The following MYO1C variants were observed in gnomAD, a reference collection of about 807,000 sequenced individuals.
The protein encoded by MYO1C is unconventional myosin-Ic.
In MYO1C, 104 loss-of-function variants were observed where a neutral mutation model predicts 150.8. The observed-to-expected ratio is 0.69, with a 90% CI of 0.59 to 0.81. MYO1C has a LOEUF of 0.81. Among genes scored for constraint, MYO1C ranks in the 30% least tolerant of loss-of-function variants. The pLI is 0.00. For synonymous variants in MYO1C, 663 were observed against 579.9 expected (o/e 1.14, Z -2.06); for missense variants, 1,504 against 1,435.0 (o/e 1.05, Z -0.78).
Position 1,474,793 on chromosome 17 carries a change from C to G in MYO1C, c.1716+19G>C. 1.2e-6 allele frequency: 2 copies of G among 1,606,474 alleles called. No homozygotes were observed. Among genetic ancestry groups the G allele is most frequent in the Non-Finnish European group, 1.7e-6 (2 of 1,173,070 alleles). The stretch of plus-strand genomic sequence containing the variant: ...GGGCTATCCCCACCCCCACCCCGGC[C>G]TCCCCACGTCCTCCTCACCTCCTTA... On this transcript the variant is annotated intron_variant, in intron 16 of 31. Transcript: ENST00000648651.
rs771536341 is a variant in MYO1C at position 1,483,662 on chromosome 17, G to T, written c.295C>A (p.Gln99Lys). The T allele has an allele frequency of 1.1e-5, 17 of 1,613,142 alleles. No homozygotes were observed. The Admixed American group carries it at 2.8e-4, about 27-fold the overall frequency. The change falls in exon 3 of 32, where the codon CAG becomes AAG. Residue 99 changes from glutamine (Q) to lysine (K), a missense_variant. Coordinates refer to ENST00000648651, the MANE Select transcript of MYO1C (RefSeq NM_001080779.2). ...ACGCCACGGTAACGCTCCATATGCT[G>T]CCGGCTGTAGATCTGCAGGTCCCGG... ...PYRDLQIYSRQHMERYRGVSF... is the reference protein window; with the variant it reads ...PYRDLQIYSRKHMERYRGVSF...
In MYO1C at chr17:1,469,487, C is replaced by CGGGGTAAA. The variant is rs2074253795; in HGVS notation, c.2610+43_2610+44insTTTACCCC. 7.9e-6 allele frequency: 12 copies of CGGGGTAAA among 1,526,416 alleles called. No homozygotes were observed. In the South Asian group the frequency reaches 1.4e-4, roughly 18 times the overall value. The allele number at this position is 1,526,416 out of a possible 1,614,324, so 94.6% of individuals were successfully genotyped here. The stretch of plus-strand genomic sequence containing the variant: ...ACCCTTTGAGCAATGCTTGCGACTC[C>CGGGGTAAA]CTGACTCCACTTCCTCATCCTCACC... On this transcript the variant is annotated intron_variant, in intron 25 of 31. Coordinates refer to ENST00000648651, the MANE Select transcript of MYO1C (RefSeq NM_001080779.2).
In MYO1C at chr17:1,479,510, G is replaced by C. The variant is rs1268892707; in HGVS notation, c.1021-8C>G. The C allele has an allele frequency of 6.6e-7, 1 of 1,514,830 alleles. No homozygotes were observed. 93.8% of individuals were successfully genotyped at this position (1,514,830 alleles called of 1,614,324 possible). The stretch of plus-strand genomic sequence containing the variant: ...GCCTTCCACGCTGAGGAGCTGCCAA[G>C]GGCAGGCGAGGACACGGTGAGGGTG... On this transcript the variant is annotated splice_polypyrimidine_tract_variant and splice_region_variant and intron_variant, in intron 8 of 31. Transcript: ENST00000648651. The surrounding 1 kb of genome is among the most constrained non-coding windows in gnomAD (Gnocchi z 4.2).
rs1354727924 is a variant in MYO1C at position 1,469,380 on chromosome 17, A to AGGGTAAATACGGTAGATCG, written c.2610+132_2610+150dup. On this transcript the variant is annotated intron_variant, in intron 25 of 31. Coordinates refer to ENST00000648651, the MANE Select transcript of MYO1C (RefSeq NM_001080779.2). ...TAGACTGGGGTAAATAGAGTAGACCAGGGTAAATACGGTAGATCGGGGTAA... is the reference window on the plus strand; with the variant it reads ...TAGACTGGGGTAAATAGAGTAGACCAGGGTAAATACGGTAGATCGGGGTAAATACGGTAGATCGGGGTAA... 8.3e-5 allele frequency: 49 copies of AGGGTAAATACGGTAGATCG among 593,342 alleles called. No homozygotes were observed. In the East Asian group the frequency reaches 1.1e-3, roughly 13 times the overall value. 36.8% of individuals were successfully genotyped at this position (593,342 alleles called of 1,614,324 possible).
rs201075863 is a variant in MYO1C, at chr17:1,478,140, T to C, written c.1348A>G (p.Ile450Val). The C allele has an allele frequency of 4.8e-4, 771 of 1,614,088 alleles. 11 individuals are homozygous for C. The South Asian group carries it at 7.9e-3, about 17-fold the overall frequency. Residue 450 changes from isoleucine (I) to valine (V), a missense_variant, in exon 12 of 32, where the codon ATC becomes GTC. Transcript: ENST00000648651. The surrounding 1 kb of genome is among the most constrained non-coding windows in gnomAD (Gnocchi z 6.3). ...TGCTCCGACTTGAGCGTGAGCTCGA[T>C]GAAGAGCTGCTGCAGCTTCTCGTTG... is the stretch of plus-strand genomic sequence containing the variant. ...YCNEKLQQLFIELTLKSEQEE... is the reference protein window; with the variant it reads ...YCNEKLQQLFVELTLKSEQEE...
At chr17:1,468,336 T>C in intron 26 of MYO1C, 28 bp from the exon 27 acceptor site, 1 of 1,613,900 alleles carries the variant, frequency 6.2e-7, no homozygotes, top group Non-Finnish European at 8.5e-7. Flanking sequence ...GGGAGGGAAG[T>C]CAGTGGAGGC....
In MYO1C at chr17:1,480,731, G is replaced by C; in HGVS notation, c.782C>G (p.Pro261Arg). The C allele has an allele frequency of 1.2e-6, 2 of 1,614,152 alleles. No homozygotes were observed. Among genetic ancestry groups the C allele is most frequent in the Non-Finnish European group, 1.7e-6 (2 of 1,180,016 alleles). The change falls in exon 6 of 32, where the codon CCC becomes CGC. Residue 261 changes from proline to arginine, a missense_variant. Physicochemically the swap from Pro to Arg is moderately radical, Grantham distance 103. Transcript: ENST00000648651. ...CTTCACCAGGTACAGGTAGCTCTGG[G>C]GGTTCCGTTCCAAGCCCAGCCTGCG... ...TLRRLGLERN[P>R]QSYLYLVKGQ...
chr17:1,474,211 G>A (rs1481199928), intron 17 of MYO1C, among the ~76,000 whole-genome samples: 4 of 152,066 alleles, frequency 2.6e-5, no homozygotes, highest in East Asian at 1.9e-4. Flanking sequence ...TGGATCACCC[G>A]AGGTCAGGAG....
chr17:1,480,486 G>A (rs1042344899), intron 7 of MYO1C, 41 bp downstream of exon 7: 4 of 1,490,824 alleles, frequency 2.7e-6, no homozygotes, highest in Non-Finnish European at 3.7e-6. Flanking sequence ...GATTTTGGGG[G>A]TGTGACAGGA....
intron 1 of MYO1C, among the ~76,000 whole-genome samples, chr17:1,489,755 G>A (rs183001908): frequency 1.3e-5 from 2 of 151,754 alleles, no homozygotes; most frequent in East Asian, 1.9e-4. Context: ...AAAAGTAAAC[G>A]GCCCAGGAGC....
chr17:1,484,162 C>T lies in MYO1C; in HGVS notation c.217G>A (p.Glu73Lys). 6.2e-7 allele frequency: 1 copy of T among 1,613,006 alleles called. No homozygotes were observed. The highest frequency in any genetic ancestry group is 1.1e-5 in the South Asian group (1 of 91,086). The change falls in exon 2 of 32, where the codon GAG becomes AAG. Residue 73 changes from glutamate (E) to lysine (K), a missense_variant. Coordinates refer to ENST00000648651, the MANE Select transcript of MYO1C (RefSeq NM_001080779.2). ...AAGGGCCTCACGTAGATGAGATTCTCCCGAAATCGCCGCCGCAGGTTCTCG... is the reference window on the plus strand; with the variant it reads ...AAGGGCCTCACGTAGATGAGATTCTTCCGAAATCGCCGCCGCAGGTTCTCG... ...FIENLRRRFR[E>K]NLIYTYIGPV...
chr17:1,473,114 G>A (rs1598328723), intron 17 of MYO1C, among the ~76,000 whole-genome samples: 1 of 152,222 alleles, frequency 6.6e-6, no homozygotes, highest in Non-Finnish European at 1.5e-5. Flanking sequence ...GTGGGAGAAT[G>A]GCGTGAGCCC....
intron 29 of MYO1C, 105 bp from the exon 30 acceptor site, chr17:1,467,682 C>A (rs2074204774): frequency 2.7e-5 from 27 of 1,000,496 alleles, no homozygotes; most frequent in East Asian, 2.2e-4. Context: ...CCCCCATCCA[C>A]CCTCCCACCT....
Position 1,479,697 on chromosome 17 carries a change from C to T in MYO1C, c.915G>A (p.Leu305=). 1 of 1,610,938 alleles carries T rather than the reference C, an allele frequency of 6.2e-7. No homozygotes were observed. Among genetic ancestry groups the T allele is most frequent in the Non-Finnish European group, 8.5e-7 (1 of 1,178,896 alleles). ...AATGAAGGACGCTGGCCACGATGCT[C>T]AGCAGGTCCTGGGGGAGCAGGCCGG... ...DFTEDEVEDL[L]SIVASVLHLG... Residue 305 remains leucine, a synonymous_variant, in exon 8 of 32, where the codon CTG becomes CTA. Transcript: ENST00000648651. The surrounding 1 kb of genome is among the most constrained non-coding windows in gnomAD (Gnocchi z 4.2).
chr17:1,469,558 C>A lies in MYO1C; in HGVS notation c.2583G>T (p.Arg861=). ...CIKNMVWKYC[R]SISPEWKQQL... ...GCTGCTTCCACTCAGGGCTGATACT[C>A]CGGCAGTATTTCCACACCATGTTCT... Residue 861 remains arginine, a synonymous_variant, in exon 25 of 32, where the codon CGG becomes CGT. Transcript: ENST00000648651. The A allele has an allele frequency of 1.9e-6, 3 of 1,613,158 alleles. No individual in the cohort carries two copies. The highest frequency in any genetic ancestry group is 8.5e-7 in the Non-Finnish European group (1 of 1,179,688).
chr17:1,468,210 T>A (rs1269766357), intron 27 of MYO1C, 43 bp downstream of exon 27: 19 of 1,611,690 alleles, frequency 1.2e-5, no homozygotes, highest in Non-Finnish European at 1.5e-5. Flanking sequence ...TCTCAGGCAG[T>A]AGCACCGTGC....
In MYO1C at chr17:1,469,523, C is replaced by T. The variant is rs376764482; in HGVS notation, c.2610+8G>A. 2 of 1,606,358 alleles carry T rather than the reference C, an allele frequency of 1.2e-6. No homozygotes were observed. Among genetic ancestry groups the T allele is most frequent in the Non-Finnish European group, 1.7e-6 (2 of 1,175,508 alleles). On this transcript the variant is annotated splice_region_variant and intron_variant, in intron 25 of 31. Coordinates refer to ENST00000648651, the MANE Select transcript of MYO1C (RefSeq NM_001080779.2). ...TTCCTCATCCTCACCCAGCCCCGCT[C>T]TCCGTACCTGCTGCTTCCACTCAGG... is the stretch of plus-strand genomic sequence containing the variant.
At position 1,467,709 on chromosome 17, in the gene MYO1C, A is replaced by AC. The variant is rs1377519619; in HGVS notation, c.2967+130dup. On this transcript the variant is annotated intron_variant, in intron 29 of 31. Coordinates refer to ENST00000648651, the MANE Select transcript of MYO1C (RefSeq NM_001080779.2). ...CTCCCACCTCCCCATCCACCTCCTG[A>AC]CCCCCCAATCTACCCCCATCCACCC... 1.3e-5 allele frequency: 6 copies of AC among 459,132 alleles called. No individual in the cohort carries two copies. In the Admixed American group the frequency reaches 2.3e-4, roughly 17 times the overall value. The allele number at this position is 459,132 out of a possible 1,614,324, so 28.4% of individuals were successfully genotyped here.
At position 1,467,819 on chromosome 17, in the gene MYO1C, TC is replaced by T. The variant is rs1567513335; in HGVS notation, c.2967+20del. ...TACCTCCCCCATCCCCCACCACTCCTCCCCATCCATGAAAAGGCACCTTTTG... is the reference window on the plus strand; with the variant it reads ...TACCTCCCCCATCCCCCACCACTCCTCCCATCCATGAAAAGGCACCTTTTG... On this transcript the variant is annotated intron_variant, in intron 29 of 31. Transcript: ENST00000648651. 3 of 1,374,886 alleles carry T rather than the reference TC, an allele frequency of 2.2e-6. No homozygotes were observed. The Admixed American group carries it at 5.6e-5, about 26-fold the overall frequency. 85.2% of individuals were successfully genotyped at this position (1,374,886 alleles called of 1,614,324 possible).
Sources: gnomAD v4.1 joint callset for allele counts (sites outside exome capture counted in the v4.1 genomes callset) on GRCh38, gnomAD v4.1.1 for gene constraint, Gnocchi (gnomAD v3.1) non-coding constraint, MANE v1.5 for transcripts, NCBI Gene and HGNC (gene_info 2026-07-23, HGNC 2026-07-21) for gene names.